Variants in HDAC8 observed in about 807,000 individuals in gnomAD.
HDAC8 encodes the protein histone deacetylase-like 1.
HDAC8 carries 1 observed loss-of-function variant against 32.2 expected under a neutral mutation model. The observed-to-expected ratio is 0.03, with a 90% CI of 0.01 to 0.15. The LOEUF (loss-of-function observed/expected upper bound fraction) is 0.15, where lower values mean the gene tolerates loss of function less well. HDAC8 is among the 10% of genes least tolerant of loss of function. HDAC8 has a pLI of 1.00. For missense variants in HDAC8, 117 were observed against 300.0 expected (o/e 0.39, Z 4.51); for synonymous variants, 108 against 113.9 (o/e 0.95, Z 0.33).
chrX:72,478,655 CT>C (rs199844895), intron 7 of HDAC8, among the ~76,000 whole-genome samples: 1,288 of 93,753 alleles, frequency 0.014, 16 homozygotes, highest in Middle Eastern at 0.032. Context: ...TCCTTTAGTC[CT>C]TTTTTTTTTT....
rs782009720 is a variant in HDAC8 at position 72,413,177 on chromosome X, T to C, written c.1005+48827A>G. The stretch of plus-strand genomic sequence containing the variant: ...ACATGTGCACAACGTGCAGGTTAGT[T>C]ACATATGTATACATGTGCCATGTTG... On this transcript the variant is annotated intron_variant, in intron 9 of 10. Transcript: ENST00000373573. 3.6e-5 allele frequency among the ~76,000 whole-genome samples: 4 copies of C among 109,720 alleles called. No individual in the cohort carries two copies. In the South Asian group the frequency reaches 1.6e-3, roughly 44 times the overall value.
intron 9 of HDAC8, among the ~76,000 whole-genome samples, chrX:72,400,984 T>C (rs1189268190): frequency 8.9e-6 from 1 of 112,577 alleles, no homozygotes; most frequent in African/African-American, 3.2e-5. Context: ...TATTGATCAG[T>C]TGATGGACAT....
intron 7 of HDAC8, among the ~76,000 whole-genome samples, chrX:72,465,623 T>C (rs1334259606): frequency 9.0e-6 from 1 of 111,723 alleles, no homozygotes; most frequent in African/African-American, 3.3e-5. Flanking sequence ...CTCAAGGGCC[T>C]GAATAACTCT....
At chrX:72,409,463 A>G (rs1271470037) in intron 9 of HDAC8, among the ~76,000 whole-genome samples, 1 of 112,003 alleles carries the variant, frequency 8.9e-6, no homozygotes, top group Non-Finnish European at 1.9e-5. Context: ...CTCTCCCTCC[A>G]GCCTCGTTTT....
chrX:72,329,641 C>T lies in HDAC8; in HGVS notation c.*413G>A, dbSNP rs1413916016. The stretch of plus-strand genomic sequence containing the variant: ...TCTCCCAGGGCTCCACCTGGATGGT[C>T]CTGAGGCCCAAACCCTGCCTGTCAG... On this transcript the variant is annotated 3_prime_UTR_variant, in exon 11 of 11. Transcript: ENST00000373573. 3.4e-6 allele frequency: 4 copies of T among 1,176,299 alleles called. No individual in the cohort carries two copies. Among genetic ancestry groups the T allele is most frequent in the East Asian group, 3.1e-5 (1 of 31,907 alleles).
chrX:72,520,934 A>T (rs2049961298), intron 4 of HDAC8, among the ~76,000 whole-genome samples: 3 of 112,413 alleles, frequency 2.7e-5, no homozygotes, highest in African/African-American at 9.7e-5. Context: ...TTCATAAATG[A>T]TGCTTTGTAC....
At chrX:72,484,442 T>C (rs2148111002) in intron 7 of HDAC8, among the ~76,000 whole-genome samples, 1 of 112,253 alleles carries the variant, frequency 8.9e-6, no homozygotes, top group Admixed American at 9.4e-5. Context: ...TTTGGTGAAA[T>C]TACTAAGCTG....
chrX:72,505,030 T>A (rs1285350571), intron 4 of HDAC8, among the ~76,000 whole-genome samples: 2 of 111,214 alleles, frequency 1.8e-5, no homozygotes, highest in African/African-American at 6.5e-5. Flanking sequence ...TCTATTCAAG[T>A]CCTTTGCCCA....
At chrX:72,438,561 C>A (rs182648762) in intron 9 of HDAC8, among the ~76,000 whole-genome samples, 2 of 111,162 alleles carry the variant, frequency 1.8e-5, no homozygotes, top group African/African-American at 6.5e-5. Flanking sequence ...AGCTAAGAAC[C>A]CTGAAAACAG....
At chrX:72,453,460 A>AAAATAAAT (rs557551895) in intron 9 of HDAC8, among the ~76,000 whole-genome samples, 7 of 43,500 alleles carry the variant, frequency 1.6e-4, no homozygotes, top group African/African-American at 7.7e-4. Context: ...CTGTCTCTTA[A>AAAATAAAT]AAATAAAGAA....
intron 10 of HDAC8, among the ~76,000 whole-genome samples, chrX:72,337,368 G>A (rs935277356): frequency 4.5e-5 from 5 of 111,778 alleles, no homozygotes; most frequent in Non-Finnish European, 9.4e-5. Context: ...AATGAACTTA[G>A]CCACATGTGG....
At chrX:72,422,043 T>A (rs1481530208) in intron 9 of HDAC8, among the ~76,000 whole-genome samples, 1 of 110,432 alleles carries the variant, frequency 9.1e-6, no homozygotes, top group Non-Finnish European at 1.9e-5. Context: ...GAGAATCCCT[T>A]GTATGTGATG....
At chrX:72,469,111 T>C (rs1163177425) in intron 7 of HDAC8, among the ~76,000 whole-genome samples, 4 of 110,008 alleles carry the variant, frequency 3.6e-5, no homozygotes, top group African/African-American at 1.0e-4. Flanking sequence ...ATTCCTATTG[T>C]ATTTGGTCTT....
chrX:72,514,904 T>A (rs1246035133), intron 4 of HDAC8, among the ~76,000 whole-genome samples: 3 of 111,509 alleles, frequency 2.7e-5, no homozygotes, highest in African/African-American at 6.5e-5. Flanking sequence ...AATCTTTTTT[T>A]AAAAAAATTG....
At chrX:72,524,709 T>C (rs782295123) in intron 4 of HDAC8, among the ~76,000 whole-genome samples, 3 of 111,074 alleles carry the variant, frequency 2.7e-5, no homozygotes, top group Admixed American at 9.5e-5. Flanking sequence ...CAATTCCACG[T>C]CCATGCACAA....
At chrX:72,369,826 A>G (rs964954758) in intron 9 of HDAC8, among the ~76,000 whole-genome samples, 2 of 113,125 alleles carry the variant, frequency 1.8e-5, no homozygotes, top group African/African-American at 6.4e-5. Flanking sequence ...GCTGTACTGT[A>G]ATTAGGCATA....
At chrX:72,440,559 A>T (rs956705112) in intron 9 of HDAC8, among the ~76,000 whole-genome samples, 5 of 112,255 alleles carry the variant, frequency 4.5e-5, no homozygotes, top group Non-Finnish European at 9.4e-5. Flanking sequence ...TGAAAAATCA[A>T]CAAAATAGAT....
At chrX:72,343,698 G>T (rs1299286856) in intron 10 of HDAC8, among the ~76,000 whole-genome samples, 4 of 111,267 alleles carry the variant, frequency 3.6e-5, no homozygotes, top group African/African-American at 1.3e-4. Flanking sequence ...AAGAGACAGG[G>T]TCTCACTATG....
chrX:72,331,332 G>C (rs142719075), intron 10 of HDAC8, among the ~76,000 whole-genome samples: 3,250 of 111,173 alleles, frequency 0.029, 158 homozygotes, highest in African/African-American at 0.1. Flanking sequence ...ATTCATGACA[G>C]AGAGGAGTTC....
Sources: allele counts gnomAD v4.1 joint callset (sites outside exome capture counted in the v4.1 genomes callset), GRCh38; gene constraint gnomAD v4.1.1; transcripts MANE v1.5; gene names NCBI Gene and HGNC (gene_info 2026-07-23, HGNC 2026-07-21).